Variants in TENM3 observed in about 807,000 individuals in gnomAD.
TENM3 encodes the protein teneurin-3.
TENM3 carries 63 observed loss-of-function variants against 255.1 expected under a neutral mutation model. That is an observed-to-expected ratio of 0.25 (90% CI 0.20 to 0.30). TENM3 has a LOEUF of 0.30. Among genes scored for constraint, TENM3 ranks in the 10% least tolerant of loss-of-function variants. The pLI, the probability that TENM3 is intolerant of heterozygous loss-of-function variation, is 1.00. For missense variants in TENM3, 2,929 were observed against 3,461.1 expected (o/e 0.85, Z 3.86); for synonymous variants, 1,306 against 1,322.3 (o/e 0.99, Z 0.27).
the TENM3 span, among the ~76,000 whole-genome samples, chr4:181,838,765 T>C: frequency 6.6e-6 from 1 of 152,082 alleles, no homozygotes; most frequent in Non-Finnish European, 1.5e-5. Flanking sequence ...TTTCTCTTTC[T>C]TTTTCTTTTT....
the TENM3 span, among the ~76,000 whole-genome samples, chr4:181,686,949 G>T: frequency 6.6e-6 from 1 of 151,752 alleles, no homozygotes; most frequent in Non-Finnish European, 1.5e-5. Flanking sequence ...TTTGTACATT[G>T]TTCCATTCAG....
chr4:181,597,912 C>T, the TENM3 span, among the ~76,000 whole-genome samples: 259 of 152,286 alleles, frequency 1.7e-3, 2 homozygotes, highest in South Asian at 6.2e-4. Context: ...TAATGCATTT[C>T]GCCTTAAGAA....
chr4:181,450,277 C>T, the TENM3 span, among the ~76,000 whole-genome samples: 2 of 152,096 alleles, frequency 1.3e-5, no homozygotes, highest in Non-Finnish European at 2.9e-5. Flanking sequence ...GGGTTCTATT[C>T]TTTATGATAA....
chr4:181,568,630 CT>C, the TENM3 span, among the ~76,000 whole-genome samples: 1 of 152,194 alleles, frequency 6.6e-6, no homozygotes, highest in African/African-American at 2.4e-5. Flanking sequence ...TTTATTCCCC[CT>C]GGAACTGTCT....
the TENM3 span, among the ~76,000 whole-genome samples, chr4:181,641,550 G>GTATATA: frequency 2.3e-3 from 111 of 49,016 alleles, 4 homozygotes; most frequent in African/African-American, 0.012. Context: ...TCCATGGTGT[G>GTATATA]TGTGTATATA....
chr4:182,066,599 A>AAAATATAT, the TENM3 span, among the ~76,000 whole-genome samples: 108 of 137,114 alleles, frequency 7.9e-4, no homozygotes, highest in Non-Finnish European at 1.0e-3. Context: ...GTAAAAAAAA[A>AAAATATAT]ATATATATAT....
chr4:182,516,210 C>T (rs115191356), intron 3 of TENM3, among the ~76,000 whole-genome samples: 1 of 152,256 alleles, frequency 6.6e-6, no homozygotes, highest in Non-Finnish European at 1.5e-5. Context: ...ATTCATTCTG[C>T]AAAACATCAA....
At chr4:182,392,375 T>G (rs988776337) in intron 3 of TENM3, among the ~76,000 whole-genome samples, 1 of 152,242 alleles carries the variant, frequency 6.6e-6, no homozygotes, top group African/African-American at 2.4e-5. Context: ...CCACCCAGCT[T>G]GCCATCATTT....
chr4:182,121,907 T>G, the TENM3 span, among the ~76,000 whole-genome samples: 1 of 152,246 alleles, frequency 6.6e-6, no homozygotes, highest in African/African-American at 2.4e-5. Context: ...TTACCTACAG[T>G]AGAGCTTCTT....
chr4:181,599,537 GA>G, the TENM3 span, among the ~76,000 whole-genome samples: 31 of 152,288 alleles, frequency 2.0e-4, 1 homozygote, highest in African/African-American at 7.2e-4. Flanking sequence ...TCCTACCACT[GA>G]AATATTCCTG....
rs991312225 is a variant in TENM3, at chr4:182,525,594, G to A, written c.512-75330G>A. ...CTTACGAATGTAATGCTGCTATAGA[G>A]TTGTCCAGAACTGTGTGTATGTACA... On this transcript the variant is annotated intron_variant, in intron 3 of 27. Coordinates refer to ENST00000511685, the MANE Select transcript of TENM3 (RefSeq NM_001080477.4). Among the ~76,000 whole-genome samples, 5 of 152,208 alleles carry A rather than the reference G, an allele frequency of 3.3e-5. 1 individual carries two copies. Among genetic ancestry groups the A allele is most frequent in the Non-Finnish European group, 4.4e-5 (3 of 68,046 alleles).
chr4:181,636,951 C>G, the TENM3 span, among the ~76,000 whole-genome samples: 1 of 152,154 alleles, frequency 6.6e-6, no homozygotes, highest in African/African-American at 2.4e-5. Flanking sequence ...TGGTTTACAC[C>G]ACTCCAGCCA....
chr4:182,736,358 T>TA (rs1449291339), intron 16 of TENM3, among the ~76,000 whole-genome samples: 1 of 152,218 alleles, frequency 6.6e-6, no homozygotes, highest in Non-Finnish European at 1.5e-5. Context: ...CTAACCATCT[T>TA]ACAAATGTCT....
the TENM3 span, among the ~76,000 whole-genome samples, chr4:181,828,682 A>C: frequency 1.3e-5 from 2 of 152,136 alleles, no homozygotes; most frequent in Non-Finnish European, 2.9e-5. Context: ...TCCACCTTGC[A>C]GGTTCAAGTG....
chr4:181,489,609 C>T, the TENM3 span, among the ~76,000 whole-genome samples: 1 of 152,088 alleles, frequency 6.6e-6, no homozygotes, highest in East Asian at 1.9e-4. Context: ...ACACTATACC[C>T]TATTTCGTAT....
At chr4:181,481,444 A>G in the TENM3 span, among the ~76,000 whole-genome samples, 1 of 152,152 alleles carries the variant, frequency 6.6e-6, no homozygotes, top group Admixed American at 6.6e-5. Context: ...TAATTTTCCA[A>G]TTTGGAAACA....
intron 24 of TENM3, among the ~76,000 whole-genome samples, chr4:182,779,332 GT>G (rs1764980484): frequency 6.6e-6 from 1 of 151,920 alleles, no homozygotes. Flanking sequence ...ACTTGCGATA[GT>G]TTACTGAGAA....
chr4:182,548,627 C>G (rs1741694341), intron 3 of TENM3: 1 of 152,126 alleles, frequency 6.6e-6, no homozygotes, highest in Non-Finnish European at 1.5e-5. Flanking sequence ...ACTCCCACCT[C>G]CAATACTTAC....
the TENM3 span, among the ~76,000 whole-genome samples, chr4:181,575,889 GAC>G: frequency 1.3e-5 from 2 of 152,320 alleles, no homozygotes; most frequent in Middle Eastern, 6.8e-3. Context: ...CTTGCAGTTA[GAC>G]ATGGCCAGGA....
Sources: allele counts gnomAD v4.1 joint callset (sites outside exome capture counted in the v4.1 genomes callset), GRCh38; gene constraint gnomAD v4.1.1; transcripts MANE v1.5; gene names NCBI Gene and HGNC (gene_info 2026-07-23, HGNC 2026-07-21).